MARF1: variants seen among roughly 807,000 people sequenced by gnomAD.
MARF1 encodes the protein meiosis regulator and mRNA stability factor 1.
Under a neutral mutation model 168.2 loss-of-function variants are expected in MARF1, and 24 were observed. The ratio of observed to expected loss-of-function variants is 0.14; its 90% CI spans 0.10 to 0.20. The LOEUF (loss-of-function observed/expected upper bound fraction) is 0.20. Ranked by LOEUF, MARF1 falls within the 10% of genes least tolerant of loss-of-function variation. MARF1 has a pLI of 1.00. For synonymous variants in MARF1, 868 were observed against 822.4 expected, an observed-to-expected ratio of 1.06 and a Z score of -0.95; for missense variants, 1,744 against 2,143.6, an observed-to-expected ratio of 0.81 and a Z score of 3.68.
Position 15,630,355 on chromosome 16 carries a change from G to C in MARF1, c.1501C>G (p.Pro501Ala). 1 of 1,602,398 alleles carries C rather than the reference G, an allele frequency of 6.2e-7. No homozygotes were observed. The highest frequency in any genetic ancestry group is 1.1e-5 in the South Asian group (1 of 89,472). The change falls in exon 7 of 27, where the codon CCC becomes GCC. Residue 501 changes from proline to alanine, a missense_variant. Physicochemically the swap from Pro to Ala is conservative, Grantham distance 27. This residue lies in a region of MARF1 where 217 missense variants were observed against 372.4 expected (regional missense o/e 0.58). Transcript: ENST00000396368. ...RFEEFISDLP[P>A]RLPLKMPQCH... ...ACTGGCATTTTTAGTGGTAACCTGG[G>C]GGGCAAGTCGGAAATGAACTCTTCA... is the stretch of plus-strand genomic sequence containing the variant.
intron 5 of MARF1, among the ~76,000 whole-genome samples, chr16:15,633,241 G>A (rs1407416406): frequency 6.6e-6 from 1 of 150,426 alleles, no homozygotes; most frequent in Non-Finnish European, 1.5e-5. Flanking sequence ...CAAGAGGACT[G>A]CTTGATCCCA....
intron 25 of MARF1, among the ~76,000 whole-genome samples, chr16:15,599,532 C>G (rs567509802): frequency 6.6e-6 from 1 of 152,184 alleles, no homozygotes; most frequent in Non-Finnish European, 1.5e-5. Flanking sequence ...CCCAGGAGGG[C>G]GCTTCATAAA....
chr16:15,601,102 T>C (rs1362262306), intron 23 of MARF1: 1 of 472,948 alleles, frequency 2.1e-6, no homozygotes, highest in Non-Finnish European at 4.2e-6. Flanking sequence ...AAGTTCATTA[T>C]CAGCATCTTA....
rs774888412 is a variant in MARF1 at position 15,602,060 on chromosome 16, G to A, written c.4557C>T (p.Val1519=). The stretch of plus-strand genomic sequence containing the variant: ...AGGTCTTGGGCTGCAGAGTTTCTCC[G>A]ACATACTTGGTATAGGCCATGGAAA... The part of the protein sequence containing the change: ...HEFSMAYTKY[V]GETLQPKTYG... The change falls in exon 23 of 27, where the codon GTC becomes GTT. Residue 1519 remains valine, a synonymous_variant. Transcript: ENST00000396368. The A allele has an allele frequency of 5.1e-5, 82 of 1,614,052 alleles. No individual in the cohort carries two copies. Among genetic ancestry groups the A allele is most frequent in the Non-Finnish European group, 6.4e-5 (75 of 1,180,030 alleles).
Position 15,599,017 on chromosome 16 carries a change from A to T in MARF1, c.4821T>A (p.Ser1607Arg), listed in dbSNP as rs764967122. The T allele has an allele frequency of 3.1e-6, 5 of 1,607,670 alleles. No homozygotes were observed. Among genetic ancestry groups the T allele is most frequent in the Non-Finnish European group, 4.2e-6 (5 of 1,177,516 alleles). ...LKLGADGSGP[S>R]HTEQELLRLT... Reference sequence around the variant, plus strand: ...GGCGGAGAAGCTCCTGCTCTGTGTGACTGGGCCCTGGGCAAACAAGGAGGG... The same window carrying T: ...GGCGGAGAAGCTCCTGCTCTGTGTGTCTGGGCCCTGGGCAAACAAGGAGGG... Residue 1607 changes from serine (S) to arginine (R), a missense_variant, in exon 26 of 27, where the codon AGT becomes AGA. Transcript: ENST00000396368.
intron 23 of MARF1, 75 bp from the exon 24 acceptor site, chr16:15,600,776 G>C: frequency 6.7e-7 from 1 of 1,487,870 alleles, no homozygotes; most frequent in Non-Finnish European, 9.4e-7. Context: ...GGAAGAGTGT[G>C]ACCTACGGAG....
At chr16:15,613,304 G>A (rs2033737584) in intron 16 of MARF1, among the ~76,000 whole-genome samples, 1 of 152,090 alleles carries the variant, frequency 6.6e-6, no homozygotes, top group Admixed American at 6.6e-5. Context: ...CATCTTGACT[G>A]CTTATACCTA....
rs774074692 is a variant in MARF1, at chr16:15,635,702, G to A, written c.785C>T (p.Pro262Leu). 1.8e-5 allele frequency: 29 copies of A among 1,614,088 alleles called. No homozygotes were observed. In the East Asian group the frequency reaches 3.3e-4, roughly 19 times the overall value. The part of the protein sequence containing the change: ...TNSLHLNVVP[P>L]VCLKGSLYCE... ...GTAAAGTGAGCCCTTTAAACAAACC[G>A]GAGGTACCACATTAAGGTGCAAAGA... Residue 262 changes from proline to leucine, a missense_variant, in exon 3 of 27, where the codon CCG (proline) becomes CTG (leucine). Pro to Leu is a moderately conservative substitution (Grantham distance 98). Coordinates refer to ENST00000396368, the MANE Select transcript of MARF1 (RefSeq NM_014647.4).
chr16:15,597,464 T>C (rs1416860121), intron 26 of MARF1, among the ~76,000 whole-genome samples: 6 of 152,216 alleles, frequency 3.9e-5, no homozygotes, highest in Non-Finnish European at 8.8e-5. Flanking sequence ...ACCCAGGAAG[T>C]TGAGCACAGC....
rs1209036329 is a variant in MARF1 at position 15,598,996 on chromosome 16, G to A, written c.4842C>T (p.Leu1614=). ...CGACGGGGGAGTCGTCGGTCAGGCG[G>A]AGAAGCTCCTGCTCTGTGTGACTGG... The part of the protein sequence containing the change: ...SGPSHTEQEL[L]RLTDDSPVDL... Residue 1614 remains leucine (L), a synonymous_variant, in exon 26 of 27, where the codon CTC becomes CTT. Coordinates refer to ENST00000396368, the MANE Select transcript of MARF1 (RefSeq NM_014647.4). The A allele has an allele frequency of 6.2e-7, 1 of 1,611,138 alleles. No homozygotes were observed. The highest frequency in any genetic ancestry group is 8.5e-7 in the Non-Finnish European group (1 of 1,178,696).
Position 15,611,051 on chromosome 16 carries a change from G to T in MARF1, c.3675C>A (p.Ile1225=). The T allele has an allele frequency of 1.2e-6, 2 of 1,613,350 alleles. No individual in the cohort carries two copies. The highest frequency in any genetic ancestry group is 1.7e-6 in the Non-Finnish European group (2 of 1,179,340). ...TEYGVCELID[I]VSEIPDTTIC... is the part of the protein sequence containing the mutation. ...TGGTTGTGTCTGGAATCTCTGATACGATGTCAATCAACTCACAAACACCAT... is the reference window on the plus strand; with the variant it reads ...TGGTTGTGTCTGGAATCTCTGATACTATGTCAATCAACTCACAAACACCAT... Residue 1225 remains isoleucine (I), a synonymous_variant, in exon 19 of 27, where the codon ATC becomes ATA. Transcript: ENST00000396368.
At chr16:15,616,551 A>C (rs555779430) in intron 15 of MARF1, among the ~76,000 whole-genome samples, 1 of 152,298 alleles carries the variant, frequency 6.6e-6, no homozygotes, top group African/African-American at 2.4e-5. Flanking sequence ...TTCTTGTTGA[A>C]GTACTGAGTG....
At chr16:15,618,683 T>C (rs562488206) in intron 13 of MARF1, among the ~76,000 whole-genome samples, 4 of 152,104 alleles carry the variant, frequency 2.6e-5, no homozygotes, top group Non-Finnish European at 4.4e-5. Context: ...CCCAACCTTA[T>C]CTGCTCTCTA....
intron 22 of MARF1, chr16:15,602,613 G>A (rs779649763): frequency 9.0e-6 from 4 of 446,876 alleles, no homozygotes; most frequent in Non-Finnish European, 1.8e-5. Context: ...AAGAAGAAAG[G>A]AGGAGGAGGA....
chr16:15,618,177 G>A (rs1830121322), intron 13 of MARF1, among the ~76,000 whole-genome samples: 1 of 152,154 alleles, frequency 6.6e-6, no homozygotes, highest in Admixed American at 6.5e-5. Context: ...GTCAATGTGA[G>A]GATTAAGTGT....
At chr16:15,597,432 C>A (rs1164173396) in intron 26 of MARF1, among the ~76,000 whole-genome samples, 1 of 152,198 alleles carries the variant, frequency 6.6e-6, no homozygotes, top group African/African-American at 2.4e-5. Context: ...AAGGACTACG[C>A]AGAGTGAGAA....
chr16:15,601,440 C>T (rs1383226314), intron 23 of MARF1: 1 of 241,124 alleles, frequency 4.1e-6, no homozygotes, highest in African/African-American at 2.2e-5. Flanking sequence ...CTCTCTCCAA[C>T]ACAGTCCTCC....
chr16:15,627,416 C>T (rs1264256397), intron 7 of MARF1, among the ~76,000 whole-genome samples: 3 of 152,010 alleles, frequency 2.0e-5, no homozygotes, highest in African/African-American at 4.8e-5. Context: ...GTCAGAAGTT[C>T]GAGGCAAGCC....
intron 1 of MARF1, among the ~76,000 whole-genome samples, chr16:15,642,242 A>T (rs2151352745): frequency 6.6e-6 from 1 of 152,190 alleles, no homozygotes; most frequent in Non-Finnish European, 1.5e-5. Context: ...TTCTGTCCAA[A>T]ACGGCCTTTT....
Sources: allele counts gnomAD v4.1 joint callset (sites outside exome capture counted in the v4.1 genomes callset), GRCh38; gene constraint gnomAD v4.1.1; regional missense constraint gnomAD v4.1.1; transcripts MANE v1.5; gene names NCBI Gene and HGNC (gene_info 2026-07-23, HGNC 2026-07-21).